GCNT2: variants seen among roughly 807,000 people sequenced by gnomAD.
GCNT2 encodes N-acetyllactosaminide beta-1,6-N-acetylglucosaminyl-transferase.
A neutral mutation model predicts 34.2 loss-of-function variants in GCNT2; 34 were observed. That is an observed-to-expected ratio of 1.00 (90% CI 0.76 to 1.32). The LOEUF (loss-of-function observed/expected upper bound fraction) is 1.32. Among genes scored for constraint, GCNT2 ranks in the 40% most tolerant of loss-of-function variants. The probability of loss-of-function intolerance (pLI) is 0.00; values close to 1 mark genes in which losing one functional copy is unlikely to be tolerated. For missense variants in GCNT2, 584 were observed against 489.4 expected (o/e 1.19, Z -1.82); for synonymous variants, 212 against 188.0 (o/e 1.13, Z -1.04).
intron 4 of GCNT2, among the ~76,000 whole-genome samples, chr6:10,623,363 C>G (rs547258720): frequency 1.6e-4 from 24 of 151,478 alleles, no homozygotes; most frequent in Non-Finnish European, 3.5e-4. Flanking sequence ...ACAATCTCGG[C>G]TCACTGGAAC....
In GCNT2 at chr6:10,524,887, C is replaced by T. The variant is rs114661820; in HGVS notation, c.-468-2587C>T. On this transcript the variant is annotated intron_variant, in intron 1 of 4. Coordinates refer to ENST00000495262, the MANE Select transcript of GCNT2 (RefSeq NM_145649.5). ...AAAAGAAAAAGGACAAAATGTGTTG[C>T]CCTTCAGATTAAAAACCAGTTTAAT... 5.9e-3 allele frequency among the ~76,000 whole-genome samples: 881 copies of T among 149,036 alleles called. 11 individuals carry two copies. Among genetic ancestry groups the T allele is most frequent in the African/African-American group, 0.02 (806 of 40,392 alleles).
chr6:10,556,243 G>C (rs867777455), intron 3 of GCNT2: 13 of 1,449,656 alleles, frequency 9.0e-6, no homozygotes, highest in African/African-American at 1.4e-5. Context: ...CTGTAATATC[G>C]GCACAGGGAC....
intron 3 of GCNT2, among the ~76,000 whole-genome samples, chr6:10,609,278 T>C (rs542751803): frequency 6.1e-4 from 93 of 152,330 alleles, no homozygotes; most frequent in Admixed American, 9.2e-4. Context: ...AAGGCGTTCA[T>C]GCTGCATCAT....
chr6:10,601,582 T>C (rs1765086708), intron 3 of GCNT2, among the ~76,000 whole-genome samples: 2 of 152,204 alleles, frequency 1.3e-5, no homozygotes, highest in Non-Finnish European at 2.9e-5. Flanking sequence ...AAATTGAATA[T>C]ATTAGTCATT....
At chr6:10,603,774 C>T (rs976836956) in intron 3 of GCNT2, among the ~76,000 whole-genome samples, 19 of 150,794 alleles carry the variant, frequency 1.3e-4, no homozygotes, top group Non-Finnish European at 2.4e-4. Context: ...CTCAGCTTCC[C>T]AAAGTGCTGG....
At chr6:10,560,840 A>G (rs1209657571) in intron 3 of GCNT2, among the ~76,000 whole-genome samples, 1 of 152,142 alleles carries the variant, frequency 6.6e-6, no homozygotes, top group Non-Finnish European at 1.5e-5. Flanking sequence ...ACAACAGGCC[A>G]GAAAGAGGTC....
intron 4 of GCNT2, among the ~76,000 whole-genome samples, chr6:10,625,225 T>C (rs9467004): frequency 0.014 from 2,198 of 152,306 alleles, 42 homozygotes; most frequent in African/African-American, 0.049. Flanking sequence ...TTTGTGTTAT[T>C]ACTGCAGCCT....
At chr6:10,561,698 A>G (rs1164281917) in intron 3 of GCNT2, among the ~76,000 whole-genome samples, 3 of 152,092 alleles carry the variant, frequency 2.0e-5, no homozygotes, top group Non-Finnish European at 2.9e-5. Flanking sequence ...CGCTGCACTA[A>G]GTGTGCTTTT....
chr6:10,608,984 T>C (rs1359730993), intron 3 of GCNT2, among the ~76,000 whole-genome samples: 1 of 152,116 alleles, frequency 6.6e-6, no homozygotes, highest in East Asian at 1.9e-4. Context: ...AAAACCCCGG[T>C]GAATTGTTGT....
At chr6:10,542,653 G>T (rs1369615833) in intron 3 of GCNT2, among the ~76,000 whole-genome samples, 2 of 152,034 alleles carry the variant, frequency 1.3e-5, no homozygotes, top group Admixed American at 1.3e-4. Flanking sequence ...TGTTTTTAAG[G>T]TTCATCCGTG....
At chr6:10,534,851 AC>A (rs1761685015) in intron 3 of GCNT2, among the ~76,000 whole-genome samples, 1 of 151,928 alleles carries the variant, frequency 6.6e-6, no homozygotes, top group Admixed American at 6.6e-5. Context: ...ACAGAGTGAG[AC>A]TCTGTCTCAA....
intron 3 of GCNT2, among the ~76,000 whole-genome samples, chr6:10,617,219 A>G (rs1765811511): frequency 6.6e-6 from 1 of 152,124 alleles, no homozygotes. Context: ...GGAGGCAGCT[A>G]AGGCCCAGCG....
intron 3 of GCNT2, among the ~76,000 whole-genome samples, chr6:10,531,165 G>A (rs927863546): frequency 3.3e-5 from 5 of 152,100 alleles, no homozygotes; most frequent in Non-Finnish European, 7.3e-5. Context: ...TATAAACCAG[G>A]TCTCCTAAGC....
intron 3 of GCNT2, chr6:10,530,411 C>G (rs1761428549): frequency 6.6e-6 from 1 of 152,364 alleles, no homozygotes; most frequent in African/African-American, 2.4e-5. Context: ...CCTTTAAGCG[C>G]AACGCATTTA....
intron 1 of GCNT2, among the ~76,000 whole-genome samples, chr6:10,524,109 T>G (rs888995448): frequency 1.3e-5 from 2 of 152,084 alleles, no homozygotes; most frequent in African/African-American, 2.4e-5. Context: ...GATCTTGGTT[T>G]GTTTTTCAAC....
At chr6:10,599,566 T>G (rs943255253) in intron 3 of GCNT2, among the ~76,000 whole-genome samples, 21 of 152,126 alleles carry the variant, frequency 1.4e-4, no homozygotes, top group African/African-American at 5.1e-4. Context: ...CCATGTACCT[T>G]CAGAGTCCGC....
At chr6:10,534,251 C>G (rs556943746) in intron 3 of GCNT2, among the ~76,000 whole-genome samples, 2 of 151,054 alleles carry the variant, frequency 1.3e-5, no homozygotes, top group South Asian at 2.1e-4. Flanking sequence ...AAGCAATTCT[C>G]CTGTCTCAGC....
chr6:10,538,428 AAAAAAAAAAATATAT>A (rs1761874541), intron 3 of GCNT2, among the ~76,000 whole-genome samples: 1 of 136,554 alleles, frequency 7.3e-6, no homozygotes, highest in African/African-American at 3.1e-5. Flanking sequence ...AAAAAAAAAA[AAAAAAAAAAATATAT>A]ATATATATAT....
intron 3 of GCNT2, among the ~76,000 whole-genome samples, chr6:10,579,281 C>A (rs1039411191): frequency 2.6e-5 from 4 of 152,048 alleles, no homozygotes; most frequent in Non-Finnish European, 5.9e-5. Context: ...AAAACAATGA[C>A]TCAATGAAAA....
Sources: allele counts gnomAD v4.1 joint callset (sites outside exome capture counted in the v4.1 genomes callset), GRCh38; gene constraint gnomAD v4.1.1; transcripts MANE v1.5; gene names NCBI Gene and HGNC (gene_info 2026-07-23, HGNC 2026-07-21).